The following DDR2 variants were observed in gnomAD, a reference collection of about 807,000 sequenced individuals.
DDR2 encodes the protein discoidin domain-containing receptor 2.
DDR2 carries 27 observed loss-of-function variants against 94.9 expected under a neutral mutation model. The observed-to-expected ratio is 0.28, with a 90% CI of 0.21 to 0.39. The LOEUF (loss-of-function observed/expected upper bound fraction) is 0.39, where lower values mean the gene tolerates loss of function less well. DDR2 is among the 10% of genes least tolerant of loss of function. The probability of loss-of-function intolerance (pLI) is 1.00; values close to 1 mark genes in which losing one functional copy is unlikely to be tolerated. For missense variants in DDR2, 783 were observed against 1,076.0 expected (o/e 0.73, Z 3.81); for synonymous variants, 382 against 377.2 (o/e 1.01, Z -0.15).
intron 3 of DDR2, among the ~76,000 whole-genome samples, chr1:162,745,989 T>C (rs1390509553): frequency 1.3e-5 from 2 of 152,210 alleles, no homozygotes; most frequent in Non-Finnish European, 2.9e-5. Context: ...GGGACACACT[T>C]ACACCTTAAA....
chr1:162,705,501 G>A (rs1435665008), intron 2 of DDR2, among the ~76,000 whole-genome samples: 1 of 152,196 alleles, frequency 6.6e-6, no homozygotes, highest in African/African-American at 2.4e-5. Context: ...CTGGGCTAAA[G>A]GGGGAGCAGC....
At chr1:162,684,305 A>G (rs1344912749) in intron 2 of DDR2, among the ~76,000 whole-genome samples, 2 of 152,130 alleles carry the variant, frequency 1.3e-5, no homozygotes, top group Non-Finnish European at 2.9e-5. Context: ...AAGGATGATA[A>G]AATATCTTTC....
chr1:162,707,448 T>A (rs1260597719), intron 2 of DDR2, among the ~76,000 whole-genome samples: 1 of 152,230 alleles, frequency 6.6e-6, no homozygotes, highest in Non-Finnish European at 1.5e-5. Flanking sequence ...AGACTGCAAT[T>A]TTTCATGATT....
chr1:162,764,600 G>A (rs2102165763), intron 9 of DDR2, among the ~76,000 whole-genome samples: 1 of 152,138 alleles, frequency 6.6e-6, no homozygotes, highest in East Asian at 1.9e-4. Context: ...GCCAAGGCAG[G>A]AGGATTGCTT....
At chr1:162,765,950 A>T in intron 9 of DDR2, 51 bp from the exon 10 acceptor site, 2 of 1,581,786 alleles carry the variant, frequency 1.3e-6, no homozygotes, top group Non-Finnish European at 1.7e-6. Flanking sequence ...CAGAGAAAAC[A>T]CTAGCTGTCT....
intron 2 of DDR2, among the ~76,000 whole-genome samples, chr1:162,682,143 G>A (rs2101959291): frequency 6.6e-6 from 1 of 152,224 alleles, no homozygotes; most frequent in Non-Finnish European, 1.5e-5. Context: ...AACCCACAGT[G>A]AGAGTGGAGG....
intron 2 of DDR2, among the ~76,000 whole-genome samples, chr1:162,714,986 G>T (rs576319305): frequency 1.3e-5 from 2 of 152,166 alleles, no homozygotes; most frequent in Non-Finnish European, 2.9e-5. Flanking sequence ...TCCTTGACAT[G>T]CTTCCATGTA....
At chr1:162,638,044 G>A (rs564207786) in intron 1 of DDR2, among the ~76,000 whole-genome samples, 40 of 151,684 alleles carry the variant, frequency 2.6e-4, no homozygotes, top group Non-Finnish European at 3.8e-4. Context: ...TGTTTGAGAC[G>A]GAGTCTCACT....
At chr1:162,777,195 A>G (rs1411837961) in intron 16 of DDR2, among the ~76,000 whole-genome samples, 2 of 152,110 alleles carry the variant, frequency 1.3e-5, no homozygotes, top group African/African-American at 4.8e-5. Flanking sequence ...ATACTTTGGT[A>G]TATTTTCTTA....
intron 1 of DDR2, among the ~76,000 whole-genome samples, chr1:162,645,854 A>G (rs767680767): frequency 1.3e-5 from 2 of 152,194 alleles, no homozygotes; most frequent in Non-Finnish European, 2.9e-5. Context: ...TTGGTACTAA[A>G]TGGATATCTA....
At chr1:162,767,443 T>C (rs1193433172) in intron 11 of DDR2, 84 bp downstream of exon 11, 1 of 1,559,284 alleles carries the variant, frequency 6.4e-7, no homozygotes, top group African/African-American at 1.4e-5. Context: ...AAAAGGCAAA[T>C]TGCAAACATT....
chr1:162,751,480 T>A (rs1558064205), intron 3 of DDR2, among the ~76,000 whole-genome samples: 1 of 152,126 alleles, frequency 6.6e-6, no homozygotes. Flanking sequence ...TGGCAATCAT[T>A]AAAAAGTCAG....
rs1664042754 is a variant in DDR2, at chr1:162,767,253, G to A, written c.1187G>A (p.Ser396Asn). 1.2e-6 allele frequency: 2 copies of A among 1,614,084 alleles called. No individual in the cohort carries two copies. Among genetic ancestry groups the A allele is most frequent in the Non-Finnish European group, 1.7e-6 (2 of 1,179,988 alleles). Residue 396 changes from serine to asparagine, a missense_variant, in exon 11 of 18, where the codon AGC (serine) becomes AAC (asparagine). This residue lies in a region of DDR2 where 519 missense variants were observed against 647.9 expected (regional missense o/e 0.80). Transcript: ENST00000367921. ...GATCCAATGCTTAAAGTTGATGACA[G>A]CAACACTCGGATCCTGATTGGCTGC... ...TYDPMLKVDDSNTRILIGCLV... is the reference protein window; with the variant it reads ...TYDPMLKVDDNNTRILIGCLV...
At chr1:162,773,260 A>G (rs536030623) in intron 13 of DDR2, among the ~76,000 whole-genome samples, 1 of 152,364 alleles carries the variant, frequency 6.6e-6, no homozygotes, top group East Asian at 1.9e-4. Context: ...CTAAGGCAGG[A>G]GAGTGGCACA....
At chr1:162,767,439 C>G (rs1033798854) in intron 11 of DDR2, 80 bp downstream of exon 11, 2 of 1,567,606 alleles carry the variant, frequency 1.3e-6, no homozygotes, top group African/African-American at 2.7e-5. Context: ...GAGTAAAAGG[C>G]AAATTGCAAA....
intron 3 of DDR2, among the ~76,000 whole-genome samples, chr1:162,724,855 G>A (rs145383824): frequency 6.6e-6 from 1 of 152,110 alleles, no homozygotes; most frequent in Non-Finnish European, 1.5e-5. Context: ...AGACCTCTCT[G>A]GTTGAATTTA....
In DDR2 at chr1:162,766,010, T is replaced by C. The variant is rs140556967; in HGVS notation, c.1109T>C (p.Met370Thr). Residue 370 changes from methionine to threonine, a missense_variant, in exon 10 of 18, where the codon ATG (methionine) becomes ACG (threonine). By Grantham distance (81) the Met-to-Thr change is moderately conservative. Coordinates refer to ENST00000367921, the MANE Select transcript of DDR2 (RefSeq NM_006182.4). ...CCTTGTTTTATAACAGATGCTGCAA[T>C]GTACAACAACTCTGAAGCCCTGCCC... The part of the protein sequence containing the change: ...SEITFQSDAA[M>T]YNNSEALPTS... 23 of 1,613,932 alleles carry C rather than the reference T, an allele frequency of 1.4e-5. No individual in the cohort carries two copies. The South Asian group carries it at 2.4e-4, about 17-fold the overall frequency.
chr1:162,633,538 G>A (rs546882487), intron 1 of DDR2, among the ~76,000 whole-genome samples: 2 of 152,342 alleles, frequency 1.3e-5, no homozygotes, highest in African/African-American at 2.4e-5. Flanking sequence ...GAAGGGGACC[G>A]ACCTGTTCAA....
chr1:162,754,946 A>C, intron 5 of DDR2, 91 bp downstream of exon 5: 1 of 1,511,872 alleles, frequency 6.6e-7, no homozygotes. Context: ...CTGTGTGGAT[A>C]TGTGTGTCCA....
Sources: allele counts gnomAD v4.1 joint callset (sites outside exome capture counted in the v4.1 genomes callset), GRCh38; gene constraint gnomAD v4.1.1; regional missense constraint gnomAD v4.1.1; transcripts MANE v1.5; gene names NCBI Gene and HGNC (gene_info 2026-07-23, HGNC 2026-07-21).